The following MCTP1 variants were observed in gnomAD, a reference collection of about 807,000 sequenced individuals.
MCTP1 encodes the protein multiple C2 and transmembrane domain containing 1.
In MCTP1, 69 loss-of-function variants were observed where a neutral mutation model predicts 120.6. That is an observed-to-expected ratio of 0.57 (90% CI 0.47 to 0.70). The LOEUF (loss-of-function observed/expected upper bound fraction) is 0.70, where lower values mean the gene tolerates loss of function less well. MCTP1 is among the 30% of genes least tolerant of loss of function. The pLI, the probability that MCTP1 is intolerant of heterozygous loss-of-function variation, is 0.00. For missense variants in MCTP1, 1,203 were observed against 1,248.8 expected (o/e 0.96, Z 0.55); for synonymous variants, 529 against 493.1 (o/e 1.07, Z -0.96).
intron 1 of MCTP1, among the ~76,000 whole-genome samples, chr5:95,141,108 C>T (rs945660115): frequency 2.6e-5 from 4 of 151,936 alleles, no homozygotes; most frequent in African/African-American, 7.3e-5. Context: ...ACCTTAAAGA[C>T]GGGGTTATAC....
intron 19 of MCTP1, among the ~76,000 whole-genome samples, chr5:94,776,080 ACAGT>A (rs993251646): frequency 6.6e-6 from 1 of 151,612 alleles, no homozygotes; most frequent in African/African-American, 2.4e-5. Flanking sequence ...CCCTGGTGCT[ACAGT>A]CAGTACTAAA....
At chr5:94,775,801 C>A (rs548456941) in intron 19 of MCTP1, among the ~76,000 whole-genome samples, 42 of 151,858 alleles carry the variant, frequency 2.8e-4, no homozygotes, top group African/African-American at 9.9e-4. Flanking sequence ...AGAGAAGCCA[C>A]CTAATTTTAG....
At chr5:95,164,228 T>C (rs966492350) in intron 1 of MCTP1, among the ~76,000 whole-genome samples, 1 of 152,136 alleles carries the variant, frequency 6.6e-6, no homozygotes, top group Non-Finnish European at 1.5e-5. Flanking sequence ...TTGCCTTAGT[T>C]AAGAAAATGA....
intron 18 of MCTP1, among the ~76,000 whole-genome samples, chr5:94,781,297 T>C (rs1051579542): frequency 1.3e-5 from 2 of 152,122 alleles, no homozygotes; most frequent in African/African-American, 4.8e-5. Context: ...TACTATCATA[T>C]TTCAGGTGCT....
intron 1 of MCTP1, among the ~76,000 whole-genome samples, chr5:95,055,206 T>A (rs1051744951): frequency 6.6e-6 from 1 of 152,070 alleles, no homozygotes; most frequent in Non-Finnish European, 1.5e-5. Context: ...TCCAATGGAG[T>A]GTTTCCTATT....
At chr5:95,205,620 G>T (rs1038658440) in intron 1 of MCTP1, among the ~76,000 whole-genome samples, 4 of 151,898 alleles carry the variant, frequency 2.6e-5, no homozygotes, top group Admixed American at 6.6e-5. Context: ...AATATATAAA[G>T]AACTTTTACA....
intron 1 of MCTP1, among the ~76,000 whole-genome samples, chr5:95,166,706 C>A (rs1562199063): frequency 6.6e-6 from 1 of 151,602 alleles, no homozygotes; most frequent in South Asian, 2.1e-4. Flanking sequence ...TAGCTGGGAC[C>A]ACAGGCACCC....
At position 94,706,125 on chromosome 5, in the gene MCTP1, T is replaced by C. The variant is rs1291159082; in HGVS notation, c.*1371A>G. 6.6e-6 allele frequency: 1 copy of C among 151,672 alleles called. No individual in the cohort carries two copies. The highest frequency in any genetic ancestry group is 2.4e-5 in the African/African-American group (1 of 41,380). 9.4% of individuals were successfully genotyped at this position (151,672 alleles called of 1,614,324 possible). ...TAGCTTTTCTATAGTTTTTCCAGTA[T>C]AACCCCCACTTTTACCCCATCCAAG... On this transcript the variant is annotated 3_prime_UTR_variant, in exon 23 of 23. Coordinates refer to ENST00000515393, the MANE Select transcript of MCTP1 (RefSeq NM_024717.7).
At chr5:94,938,454 A>G (rs1816746322) in intron 5 of MCTP1, among the ~76,000 whole-genome samples, 1 of 151,808 alleles carries the variant, frequency 6.6e-6, no homozygotes, top group Non-Finnish European at 1.5e-5. Context: ...TCTGCTTTAA[A>G]CACCTCCTCT....
Position 95,071,823 on chromosome 5 carries a change from T to A in MCTP1, c.721-54339A>T, listed in dbSNP as rs1275049137. 3.9e-5 allele frequency among the ~76,000 whole-genome samples: 6 copies of A among 152,160 alleles called. No individual in the cohort carries two copies. In the East Asian group the frequency reaches 1.2e-3, roughly 29 times the overall value. On this transcript the variant is annotated intron_variant, in intron 1 of 22. Coordinates refer to ENST00000515393, the MANE Select transcript of MCTP1 (RefSeq NM_024717.7). The stretch of plus-strand genomic sequence containing the variant: ...CTCACATGAATGAGATTGTCTTAAA[T>A]ACAACTTACCACTGACTAGATTTTT...
At chr5:95,091,750 A>G (rs1031654398) in intron 1 of MCTP1, among the ~76,000 whole-genome samples, 1 of 152,244 alleles carries the variant, frequency 6.6e-6, no homozygotes, top group African/African-American at 2.4e-5. Context: ...AACCTTTCAC[A>G]CATTCCTGAC....
intron 1 of MCTP1, among the ~76,000 whole-genome samples, chr5:95,222,547 A>C (rs1345179701): frequency 2.0e-5 from 3 of 152,356 alleles, no homozygotes; most frequent in Non-Finnish European, 4.4e-5. Flanking sequence ...ATCTGAACAA[A>C]ATTTCCTAAT....
intron 19 of MCTP1, among the ~76,000 whole-genome samples, chr5:94,746,070 C>T (rs1038879174): frequency 5.9e-5 from 9 of 152,152 alleles, no homozygotes; most frequent in Non-Finnish European, 1.3e-4. Context: ...CAGAAACCCC[C>T]GGAACACATC....
chr5:95,255,545 T>C (rs1415491162), intron 1 of MCTP1, among the ~76,000 whole-genome samples: 2 of 152,130 alleles, frequency 1.3e-5, no homozygotes, highest in African/African-American at 4.8e-5. Context: ...CCTGGTGCAC[T>C]GATCCCACAC....
intron 17 of MCTP1, among the ~76,000 whole-genome samples, chr5:94,805,329 T>C (rs1412026292): frequency 6.6e-6 from 1 of 152,198 alleles, no homozygotes; most frequent in Admixed American, 6.5e-5. Context: ...AGTTTTAATT[T>C]ACCACAAGGT....
At chr5:94,871,164 C>T (rs1797784096) in intron 14 of MCTP1, 151 bp downstream of exon 14, 2 of 674,220 alleles carry the variant, frequency 3.0e-6, no homozygotes, top group South Asian at 1.8e-5. Context: ...TTCAACATGG[C>T]CGTGAATTGA....
chr5:95,029,566 C>CTT (rs1347685639), intron 1 of MCTP1, among the ~76,000 whole-genome samples: 3 of 152,140 alleles, frequency 2.0e-5, no homozygotes, highest in Non-Finnish European at 4.4e-5. Flanking sequence ...AGGAAAGCAG[C>CTT]AAGAATCCGG....
At chr5:94,771,269 G>A (rs571320915) in intron 19 of MCTP1, among the ~76,000 whole-genome samples, 37 of 152,220 alleles carry the variant, frequency 2.4e-4, no homozygotes, top group Non-Finnish European at 4.7e-4. Context: ...AAAAAAGTTT[G>A]TGTATTATGT....
chr5:95,111,392 G>T (rs934787300), intron 1 of MCTP1, among the ~76,000 whole-genome samples: 2 of 152,132 alleles, frequency 1.3e-5, no homozygotes, highest in Non-Finnish European at 2.9e-5. Context: ...GAAGAACAAA[G>T]ACTTTAAATG....
Sources: allele counts gnomAD v4.1 joint callset (sites outside exome capture counted in the v4.1 genomes callset), GRCh38; gene constraint gnomAD v4.1.1; transcripts MANE v1.5; gene names NCBI Gene and HGNC (gene_info 2026-07-23, HGNC 2026-07-21).